Variants in CHI3L2 observed in about 807,000 individuals in gnomAD.
CHI3L2 encodes the protein chitinase 3 like 2, also known as chitinase-3-like protein 2.
Under a neutral mutation model 47.3 loss-of-function variants are expected in CHI3L2, and 47 were observed. The observed-to-expected ratio is 0.99, with a 90% CI of 0.79 to 1.27. The LOEUF (loss-of-function observed/expected upper bound fraction) is 1.27. CHI3L2 is among the 50% of genes most tolerant of loss of function. The pLI is 0.00. For missense variants in CHI3L2, 497 were observed against 462.1 expected, an observed-to-expected ratio of 1.08 and a Z score of -0.69; for synonymous variants, 198 against 169.9, an observed-to-expected ratio of 1.17 and a Z score of -1.28.
chr1:111,240,240 C>T (rs962109216), intron 8 of CHI3L2, among the ~76,000 whole-genome samples: 5 of 152,206 alleles, frequency 3.3e-5, no homozygotes, highest in African/African-American at 1.2e-4. Flanking sequence ...TTGGCACCCA[C>T]CAAGGTACCC....
At chr1:111,240,426 A>G (rs1660012801) in intron 8 of CHI3L2, among the ~76,000 whole-genome samples, 1 of 152,316 alleles carries the variant, frequency 6.6e-6, no homozygotes, top group Middle Eastern at 3.4e-3. Context: ...GGGTAGTTCT[A>G]GGTTGATAGC....
At chr1:111,231,614 T>C (rs1197773796) in intron 4 of CHI3L2, 5 of 240,228 alleles carry the variant, frequency 2.1e-5, no homozygotes, top group Non-Finnish European at 4.0e-5. Context: ...TAGTTTTAAT[T>C]GGAAAGTGCA....
At chr1:111,231,341 GATC>G in intron 4 of CHI3L2, 47 bp downstream of exon 4, 1 of 1,397,978 alleles carries the variant, frequency 7.2e-7, no homozygotes. Flanking sequence ...TGTAATTTTT[GATC>G]ATCATCATTT....
At chr1:111,242,652 C>T (rs1405399670) in intron 10 of CHI3L2, 1 of 230,782 alleles carries the variant, frequency 4.3e-6, no homozygotes, top group East Asian at 8.8e-5. Context: ...ATATTGACAC[C>T]ACCACAATTC....
At chr1:111,230,484 G>A (rs1336468409) in intron 2 of CHI3L2, among the ~76,000 whole-genome samples, 1 of 152,030 alleles carries the variant, frequency 6.6e-6, no homozygotes, top group Non-Finnish European at 1.5e-5. Flanking sequence ...GAACTCCTGG[G>A]CTCAAGAAGT....
In CHI3L2 at chr1:111,231,225, T is replaced by C. The variant is rs1330531110; in HGVS notation, c.273-13T>C. The C allele has an allele frequency of 4.4e-6, 7 of 1,599,614 alleles. No homozygotes were observed. Among genetic ancestry groups the C allele is most frequent in the South Asian group, 2.2e-5 (2 of 90,670 alleles). The stretch of plus-strand genomic sequence containing the variant: ...GCCAGAAAATAAATAATCATCTTAT[T>C]CTTCTACTTCAGGAATCCCAAACTG... On this transcript the variant is annotated splice_polypyrimidine_tract_variant and intron_variant, in intron 3 of 10. Coordinates refer to ENST00000369748, the MANE Select transcript of CHI3L2 (RefSeq NM_004000.3).
Position 111,230,957 on chromosome 1 carries a change from G to C in CHI3L2, c.272+14G>C. ...TCTCAAAACCAAGTGAGTAAGATGG[G>C]GGTGGAAGCATCCTGCATGGATTTT... On this transcript the variant is annotated intron_variant, in intron 3 of 10. Transcript: ENST00000369748. 1 of 1,606,726 alleles carries C rather than the reference G, an allele frequency of 6.2e-7. No individual in the cohort carries two copies.
intron 8 of CHI3L2, 97 bp from the exon 9 acceptor site, chr1:111,241,230 T>C (rs1660044146): frequency 2.6e-6 from 2 of 775,504 alleles, no homozygotes; most frequent in South Asian, 2.7e-5. Context: ...TTCTGATATT[T>C]TCCCCAAGTC....
At chr1:111,231,387 C>A in intron 4 of CHI3L2, 93 bp downstream of exon 4, 1 of 984,760 alleles carries the variant, frequency 1.0e-6, no homozygotes, top group Non-Finnish European at 1.6e-6. Flanking sequence ...TTAAACTAGG[C>A]TTTAAGAGGT....
At chr1:111,231,088 C>T in intron 3 of CHI3L2, 145 bp downstream of exon 3, 2 of 949,900 alleles carry the variant, frequency 2.1e-6, no homozygotes. Context: ...ACTGTTCTCA[C>T]CAGTGCTTCA....
intron 7 of CHI3L2, 133 bp downstream of exon 7, chr1:111,236,286 G>A: frequency 1.1e-6 from 1 of 940,362 alleles, no homozygotes; most frequent in Non-Finnish European, 1.6e-6. Flanking sequence ...GGTAGCCCCA[G>A]GAGCAAGTGA....
intron 4 of CHI3L2, 21 bp from the exon 5 acceptor site, chr1:111,234,886 A>G: frequency 2.5e-6 from 4 of 1,611,636 alleles, no homozygotes; most frequent in Non-Finnish European, 3.4e-6. Context: ...CCAAAAAGAC[A>G]CTCGTATTGC....
intron 4 of CHI3L2, among the ~76,000 whole-genome samples, chr1:111,233,751 G>A (rs12727526): frequency 6.6e-6 from 1 of 151,898 alleles, no homozygotes; most frequent in Non-Finnish European, 1.5e-5. Flanking sequence ...GAATAGAAAG[G>A]GGGGAAAGGT....
intron 5 of CHI3L2, 152 bp from the exon 6 acceptor site, chr1:111,235,487 C>T: frequency 2.3e-6 from 2 of 854,994 alleles, no homozygotes; most frequent in Non-Finnish European, 3.6e-6. Context: ...TGAGCAGATA[C>T]AGGCACAAGG....
At chr1:111,235,223 A>G (rs910037190) in intron 5 of CHI3L2, among the ~76,000 whole-genome samples, 166 bp downstream of exon 5, 1 of 152,202 alleles carries the variant, frequency 6.6e-6, no homozygotes, top group South Asian at 2.1e-4. Context: ...CCTGATTCCT[A>G]TTTTAAGGCA....
chr1:111,231,687 T>G (rs987335928), intron 4 of CHI3L2, among the ~76,000 whole-genome samples: 6 of 152,208 alleles, frequency 3.9e-5, no homozygotes, highest in African/African-American at 1.2e-4. Context: ...ATGGGTTGCT[T>G]CCATTCAGAA....
intron 4 of CHI3L2, among the ~76,000 whole-genome samples, chr1:111,233,473 A>T (rs1244830505): frequency 6.6e-6 from 1 of 152,224 alleles, no homozygotes. Context: ...ACTTGAATCT[A>T]GTTCTCCTGA....
Position 111,242,317 on chromosome 1 carries a change from C to G in CHI3L2, c.1126C>G (p.Pro376Ala). 6.2e-7 allele frequency: 1 copy of G among 1,613,744 alleles called. No individual in the cohort carries two copies. Among genetic ancestry groups the G allele is most frequent in the Non-Finnish European group, 8.5e-7 (1 of 1,179,876 alleles). ...DFTGKSCNQG[P>A]YPLVQAVKRS... ...CACTGGCAAATCCTGCAACCAGGGC[C>G]CTTACCCTCTTGTCCAAGCAGTCAA... The change falls in exon 10 of 11, where the codon CCT becomes GCT. Residue 376 changes from proline (P) to alanine (A), a missense_variant. By Grantham distance (27) the Pro-to-Ala change is conservative. Transcript: ENST00000369748.
At position 111,235,733 on chromosome 1, in the gene CHI3L2, A is replaced by C; in HGVS notation, c.575A>C (p.Asp192Ala). The C allele has an allele frequency of 1.2e-6, 2 of 1,614,130 alleles. No homozygotes were observed. The highest frequency in any genetic ancestry group is 1.7e-6 in the Non-Finnish European group (2 of 1,179,974). The change falls in exon 6 of 11, where the codon GAT (aspartate) becomes GCT (alanine). Residue 192 changes from aspartate (D) to alanine (A), a missense_variant. Asp to Ala is a moderately radical substitution (Grantham distance 126, BLOSUM62 -2). Transcript: ENST00000369748. Reference sequence around the variant, plus strand: ...GTATCTGCAGGGAGGCAAATGATTGATAACAGCTATCAAGTTGAGAAACTG... The same window carrying C: ...GTATCTGCAGGGAGGCAAATGATTGCTAACAGCTATCAAGTTGAGAAACTG... ...AGVSAGRQMI[D>A]NSYQVEKLAK...
Sources: gnomAD v4.1 joint callset for allele counts (sites outside exome capture counted in the v4.1 genomes callset) on GRCh38, gnomAD v4.1.1 for gene constraint, MANE v1.5 for transcripts, NCBI Gene and HGNC (gene_info 2026-07-23, HGNC 2026-07-21) for gene names.